MCPH1: variants seen among roughly 807,000 people sequenced by gnomAD.
MCPH1 encodes the protein microcephalin.
MCPH1 carries 104 observed loss-of-function variants against 84.5 expected under a neutral mutation model. That is an observed-to-expected ratio of 1.23 (90% confidence interval 1.05 to 1.45). The LOEUF (loss-of-function observed/expected upper bound fraction) is 1.45. Ranked by LOEUF, MCPH1 falls within the 40% of genes most tolerant of loss-of-function variation. MCPH1 has a pLI of 0.00. For synonymous variants in MCPH1, 514 were observed against 366.8 expected, an observed-to-expected ratio of 1.40 and a Z score of -4.58; for missense variants, 1,498 against 1,005.7, an observed-to-expected ratio of 1.49 and a Z score of -6.62.
chr8:6,600,341 G>A (rs542565374), intron 12 of MCPH1, among the ~76,000 whole-genome samples: 22 of 152,254 alleles, frequency 1.4e-4, no homozygotes, highest in Non-Finnish European at 2.8e-4. Flanking sequence ...GGCCGTGGGT[G>A]CTGGCCTGGC....
At chr8:6,450,000 C>A (rs1235972158) in intron 8 of MCPH1, among the ~76,000 whole-genome samples, 1 of 12,488 alleles carries the variant, frequency 8.0e-5, no homozygotes, top group South Asian at 0.12. Flanking sequence ...GCAGAAAAGT[C>A]CTTCCTATCT....
chr8:6,414,035 G>C (rs1157361820), intron 2 of MCPH1, among the ~76,000 whole-genome samples: 1 of 152,184 alleles, frequency 6.6e-6, no homozygotes, highest in African/African-American at 2.4e-5. Context: ...TTACAGGTGT[G>C]AACCACCACA....
chr8:6,545,894 C>T (rs998032232), intron 12 of MCPH1, among the ~76,000 whole-genome samples: 1 of 152,194 alleles, frequency 6.6e-6, no homozygotes, highest in African/African-American at 2.4e-5. Flanking sequence ...GCAAGTGTTT[C>T]TGACTTTTGA....
chr8:6,515,904 T>C (rs1816178051), intron 12 of MCPH1, among the ~76,000 whole-genome samples: 1 of 152,198 alleles, frequency 6.6e-6, no homozygotes, highest in South Asian at 2.1e-4. Context: ...GTGCTATTCC[T>C]GTTCTTTCAT....
intron 12 of MCPH1, among the ~76,000 whole-genome samples, chr8:6,521,979 C>G (rs1306775513): frequency 6.6e-6 from 1 of 152,150 alleles, no homozygotes; most frequent in African/African-American, 2.4e-5. Flanking sequence ...ACTTAGTCAC[C>G]CTATGCGTTA....
intron 13 of MCPH1, among the ~76,000 whole-genome samples, chr8:6,622,661 T>G (rs2129580920): frequency 6.6e-6 from 1 of 152,294 alleles, no homozygotes; most frequent in Non-Finnish European, 1.5e-5. Context: ...ATCGGCAGCG[T>G]TGGTTTCCCC....
In MCPH1 at chr8:6,544,726, A is replaced by G. The variant is rs17077470; in HGVS notation, c.2214+44797A>G. ...ATGGCACTCTAAGAAGGAATTCATT[A>G]AGATAAAGACACAGATACAGCATTT... On this transcript the variant is annotated intron_variant, in intron 12 of 13. Coordinates refer to ENST00000344683, the MANE Select transcript of MCPH1 (RefSeq NM_024596.5). Among the ~76,000 whole-genome samples the G allele has an allele frequency of 0.017, 2,550 of 152,316 alleles. 159 individuals are homozygous for G. The East Asian group carries it at 0.17, about 10-fold the overall frequency.
intron 13 of MCPH1, among the ~76,000 whole-genome samples, chr8:6,641,541 C>G: frequency 6.6e-6 from 1 of 152,208 alleles, no homozygotes. Flanking sequence ...CCCAGGAGTT[C>G]GAGATCAGCC....
chr8:6,612,037 G>C (rs1830325435), intron 12 of MCPH1, among the ~76,000 whole-genome samples: 2 of 152,124 alleles, frequency 1.3e-5, no homozygotes, highest in African/African-American at 4.8e-5. Context: ...CCAAAGATTG[G>C]GCACGTTCCT....
At chr8:6,458,216 T>A (rs774348014) in intron 9 of MCPH1, among the ~76,000 whole-genome samples, 8 of 152,146 alleles carry the variant, frequency 5.3e-5, no homozygotes, top group Non-Finnish European at 8.8e-5. Context: ...CTCACACCTG[T>A]AATCCCAGCG....
chr8:6,409,234 G>A (rs979204207), intron 1 of MCPH1, 45 bp from the exon 2 acceptor site: 1 of 1,481,290 alleles, frequency 6.8e-7, no homozygotes, highest in Middle Eastern at 1.7e-4. Flanking sequence ...GGCAGGGGAT[G>A]CTGGAATTTC....
At chr8:6,413,690 C>G (rs937262069) in intron 2 of MCPH1, among the ~76,000 whole-genome samples, 1 of 151,444 alleles carries the variant, frequency 6.6e-6, no homozygotes, top group Admixed American at 6.6e-5. Flanking sequence ...TTCTTAATTT[C>G]CAAGAGCTCT....
At chr8:6,531,393 A>G (rs775313306) in intron 12 of MCPH1, among the ~76,000 whole-genome samples, 6 of 151,160 alleles carry the variant, frequency 4.0e-5, no homozygotes, top group Admixed American at 1.3e-4. Context: ...GGTTGAAGCA[A>G]TTCTCCTGCC....
At chr8:6,600,635 C>A (rs1245768729) in intron 12 of MCPH1, among the ~76,000 whole-genome samples, 3 of 152,252 alleles carry the variant, frequency 2.0e-5, no homozygotes, top group Non-Finnish European at 2.9e-5. Context: ...AAAAACCTTA[C>A]AGCTTTGTAT....
chr8:6,480,951 T>G, intron 11 of MCPH1, 75 bp downstream of exon 11: 1 of 1,537,718 alleles, frequency 6.5e-7, no homozygotes, highest in Non-Finnish European at 8.9e-7. Context: ...GGTGCCGACA[T>G]CAGCACTCAG....
chr8:6,406,950 A>T, intron 1 of MCPH1: 1 of 421,276 alleles, frequency 2.4e-6, no homozygotes, highest in Non-Finnish European at 4.3e-6. Flanking sequence ...TGTCCCCCCA[A>T]ACCCCCGACT....
chr8:6,434,924 T>C (rs1802423301), intron 4 of MCPH1, among the ~76,000 whole-genome samples: 1 of 152,152 alleles, frequency 6.6e-6, no homozygotes, highest in Non-Finnish European at 1.5e-5. Context: ...GTATTTGTGC[T>C]GATGGCTGGG....
rs541362935 is a variant in MCPH1, at chr8:6,474,057, A to G, written c.1936-3537A>G. 3.9e-5 allele frequency: 31 copies of G among 800,808 alleles called. 1 individual carries two copies. The Middle Eastern group carries it at 1.4e-3, about 37-fold the overall frequency. 49.6% of individuals were successfully genotyped at this position (800,808 alleles called of 1,614,324 possible). ...CCCCTCATTTGAAGTATTTCGTACA[A>G]TATGTTGGCATCTATTCTCAACACA... is the stretch of plus-strand genomic sequence containing the variant. On this transcript the variant is annotated intron_variant, in intron 9 of 13. Coordinates refer to ENST00000344683, the MANE Select transcript of MCPH1 (RefSeq NM_024596.5).
At chr8:6,621,808 T>C in intron 13 of MCPH1, 117 bp downstream of exon 13, 3 of 1,376,642 alleles carry the variant, frequency 2.2e-6, no homozygotes, top group Non-Finnish European at 3.1e-6. Context: ...TGGGTTGATG[T>C]CTCAGCCTCC....
Sources: gnomAD v4.1 joint callset for allele counts (sites outside exome capture counted in the v4.1 genomes callset) on GRCh38, gnomAD v4.1.1 for gene constraint, MANE v1.5 for transcripts, NCBI Gene and HGNC (gene_info 2026-07-23, HGNC 2026-07-21) for gene names.